PSMC4: variants seen among roughly 807,000 people sequenced by gnomAD.
The protein encoded by PSMC4 is proteasome 26S subunit, ATPase 4, also known as 26S proteasome regulatory subunit 6B.
Under a neutral mutation model 48.4 loss-of-function variants are expected in PSMC4, and 13 were observed. The ratio of observed to expected loss-of-function variants is 0.27; its 90% confidence interval spans 0.18 to 0.43. PSMC4 has a LOEUF of 0.43. Among genes scored for constraint, PSMC4 ranks in the 20% least tolerant of loss-of-function variants. PSMC4 has a pLI of 1.00. For synonymous variants in PSMC4, 202 were observed against 212.3 expected, an observed-to-expected ratio of 0.95 and a Z score of 0.42; for missense variants, 262 against 555.9, an observed-to-expected ratio of 0.47 and a Z score of 5.32.
Position 39,981,680 on chromosome 19 carries a change from C to T in PSMC4, c.*375C>T, listed in dbSNP as rs892347928. 2.0e-5 allele frequency among the ~76,000 whole-genome samples: 3 copies of T among 152,018 alleles called. No individual in the cohort carries two copies. Among genetic ancestry groups the T allele is most frequent in the Admixed American group, 6.6e-5 (1 of 15,248 alleles). On this transcript the variant is annotated 3_prime_UTR_variant, in exon 11 of 11. Transcript: ENST00000157812. ...CCCTGTGCATCTCCCTCATTTCCTA[C>T]AGGTAAAAGACAGTAAAGAAATTCA...
Position 39,974,559 on chromosome 19 carries a change from G to A in PSMC4, c.505G>A (p.Gly169Ser). The stretch of plus-strand genomic sequence containing the variant: ...AGATGTGATGTACGCGGACATCGGA[G>A]GCATGGACATCCAGAAGCAGGAGGT... ...KPDVMYADIG[G>S]MDIQKQEVRE... The change falls in exon 5 of 11, where the codon GGC becomes AGC. Residue 169 changes from glycine to serine, a missense_variant. Transcript: ENST00000157812. This position sits in a 1 kb window ranked among gnomAD's most constrained non-coding sequence, Gnocchi z 5.5. 6.2e-7 allele frequency: 1 copy of A among 1,614,118 alleles called. No individual in the cohort carries two copies. Among genetic ancestry groups the A allele is most frequent in the Non-Finnish European group, 8.5e-7 (1 of 1,180,044 alleles).
At position 39,971,215 on chromosome 19, in the gene PSMC4, G is replaced by A. The variant is rs571861723; in HGVS notation, c.13G>A (p.Gly5Ser). 6.2e-7 allele frequency: 1 copy of A among 1,614,202 alleles called. No homozygotes were observed. The highest frequency in any genetic ancestry group is 8.5e-7 in the Non-Finnish European group (1 of 1,180,022). Residue 5 changes from glycine (G) to serine (S), a missense_variant, in exon 1 of 11, where the codon GGC (glycine) becomes AGC (serine). This residue lies in a region of PSMC4 where 33 missense variants were observed against 35.5 expected (regional missense o/e 0.93). Coordinates refer to ENST00000157812, the MANE Select transcript of PSMC4 (RefSeq NM_006503.4). MEEI[G>S]ILVEKAQDEI... is the part of the protein sequence containing the mutation. Reference sequence around the variant, plus strand: ...CGGCTTGGTCACTATGGAGGAGATAGGCATCTTGGTGGAGAAGGCTCAGGT... The same window carrying A: ...CGGCTTGGTCACTATGGAGGAGATAAGCATCTTGGTGGAGAAGGCTCAGGT...
rs1413224505 is a variant in PSMC4 at position 39,980,532 on chromosome 19, C to G, written c.1087+78C>G. Reference sequence around the variant, plus strand: ...TCTTCAGCTCAACTTCTGCCAGCACCACAGCCCAGACTGTGCAGGTGGGAC... The same window carrying G: ...TCTTCAGCTCAACTTCTGCCAGCACGACAGCCCAGACTGTGCAGGTGGGAC... On this transcript the variant is annotated intron_variant, in intron 9 of 10. Transcript: ENST00000157812. The surrounding 1 kb of genome is among the most constrained non-coding windows in gnomAD (Gnocchi z 4.8). The G allele has an allele frequency of 5.0e-6, 8 of 1,594,222 alleles. No homozygotes were observed. The highest frequency in any genetic ancestry group is 6.0e-6 in the Non-Finnish European group (7 of 1,163,716).
rs746586299 is a variant in PSMC4 at position 39,972,474 on chromosome 19, C to A, written c.241C>A (p.Arg81=). Reference sequence around the variant, plus strand: ...TCTCCATGCCCAGGAGGAGGTGAAGCGAATCCAAAGCATCCCGCTGGTCAT... The same window carrying A: ...TCTCCATGCCCAGGAGGAGGTGAAGAGAATCCAAAGCATCCCGCTGGTCAT... ...EFLHAQEEVK[R]IQSIPLVIGQ... The change falls in exon 3 of 11, where the codon CGA becomes AGA. Residue 81 remains arginine (R), a synonymous_variant. Transcript: ENST00000157812. The A allele has an allele frequency of 6.2e-7, 1 of 1,614,008 alleles. No individual in the cohort carries two copies. The highest frequency in any genetic ancestry group is 8.5e-7 in the Non-Finnish European group (1 of 1,180,038).
At chr19:39,976,655 C>T (rs1296579508) in intron 6 of PSMC4, among the ~76,000 whole-genome samples, 1 of 150,680 alleles carries the variant, frequency 6.6e-6, no homozygotes, top group African/African-American at 2.4e-5. Context: ...ACTACAGGCA[C>T]CCGCCACCAC....
intron 6 of PSMC4, among the ~76,000 whole-genome samples, chr19:39,978,680 C>T (rs1971242761): frequency 1.3e-5 from 2 of 152,112 alleles, no homozygotes; most frequent in Admixed American, 1.3e-4. Flanking sequence ...CTTCATACAA[C>T]ACAAAGCATC....
chr19:39,978,870 T>G (rs1367846264), intron 6 of PSMC4, among the ~76,000 whole-genome samples: 1 of 151,948 alleles, frequency 6.6e-6, no homozygotes, highest in African/African-American at 2.4e-5. Context: ...TTTAAAAAGC[T>G]AGGTGTGGGG....
Position 39,980,371 on chromosome 19 carries a change from T to C in PSMC4, c.1004T>C (p.Leu335Pro). 7 of 1,614,118 alleles carry C rather than the reference T, an allele frequency of 4.3e-6. No homozygotes were observed. The highest frequency in any genetic ancestry group is 5.9e-6 in the Non-Finnish European group (7 of 1,180,024). ...CTGGACCGTAAAATTGAATTTCCAC[T>C]TCCTGACCGCCGCCAGAAGAGATTG... ...GRLDRKIEFP[L>P]PDRRQKRLIF... Residue 335 changes from leucine (L) to proline (P), a missense_variant, in exon 9 of 11, where the codon CTT becomes CCT. Physicochemically the swap from Leu to Pro is moderately conservative, Grantham distance 98 (BLOSUM62 -3). Coordinates refer to ENST00000157812, the MANE Select transcript of PSMC4 (RefSeq NM_006503.4). The surrounding 1 kb of genome is among the most constrained non-coding windows in gnomAD (Gnocchi z 4.8).
Position 39,974,273 on chromosome 19 carries a change from T to C in PSMC4, c.323-21T>C. ...AGTTTCCAGGCTGACACTTCTCGTT[T>C]TCCTCTCTCCCTTCTCGCAGGCTCC... On this transcript the variant is annotated intron_variant, in intron 3 of 10. Coordinates refer to ENST00000157812, the MANE Select transcript of PSMC4 (RefSeq NM_006503.4). The surrounding 1 kb of genome is among the most constrained non-coding windows in gnomAD (Gnocchi z 5.5). The C allele has an allele frequency of 6.2e-7, 1 of 1,612,590 alleles. No homozygotes were observed. The highest frequency in any genetic ancestry group is 8.5e-7 in the Non-Finnish European group (1 of 1,178,916).
chr19:39,974,170 G>A lies in PSMC4; in HGVS notation c.323-124G>A, dbSNP rs1172534862. The A allele has an allele frequency of 5.8e-6, 7 of 1,208,724 alleles. No homozygotes were observed. The East Asian group carries it at 1.8e-4, about 30-fold the overall frequency. The allele number at this position is 1,208,724 out of a possible 1,614,324, so 74.9% of individuals were successfully genotyped here. ...ACGGACAGCAGGAGGGAAGGCTGGA[G>A]GCCGAGAGGGGACCCCTCAGGGTCT... is the stretch of plus-strand genomic sequence containing the variant. On this transcript the variant is annotated intron_variant, in intron 3 of 10. Coordinates refer to ENST00000157812, the MANE Select transcript of PSMC4 (RefSeq NM_006503.4). This position sits in a 1 kb window ranked among gnomAD's most constrained non-coding sequence, Gnocchi z 5.5.
In PSMC4 at chr19:39,972,140, G is replaced by A. The variant is rs376111516; in HGVS notation, c.37-6G>A. 112 of 1,612,416 alleles carry A rather than the reference G, an allele frequency of 6.9e-5. No individual in the cohort carries two copies. The highest frequency in any genetic ancestry group is 2.5e-4 in the East Asian group (11 of 44,852). ...CTTCCAATGTGAGTTATCCCCTTTC[G>A]TCTAGGATGAGATCCCAGCACTGTC... On this transcript the variant is annotated splice_region_variant and splice_polypyrimidine_tract_variant and intron_variant, in intron 1 of 10. Coordinates refer to ENST00000157812, the MANE Select transcript of PSMC4 (RefSeq NM_006503.4).
At chr19:39,973,220 C>G (rs1599726495) in intron 3 of PSMC4, among the ~76,000 whole-genome samples, 1 of 152,144 alleles carries the variant, frequency 6.6e-6, no homozygotes, top group East Asian at 1.9e-4. Flanking sequence ...TCATGACCTT[C>G]CAAATTGATT....
intron 6 of PSMC4, among the ~76,000 whole-genome samples, chr19:39,976,385 G>C (rs1422966767): frequency 2.6e-5 from 3 of 114,412 alleles, no homozygotes; most frequent in African/African-American, 1.1e-4. Context: ...CTGGGTGACA[G>C]AGTGAGACTC....
At position 39,976,512 on chromosome 19, in the gene PSMC4, C is replaced by CTT. The variant is rs561360469; in HGVS notation, c.673+1697_673+1698dup. Among the ~76,000 whole-genome samples, 763 of 131,100 alleles carry CTT rather than the reference C, an allele frequency of 5.8e-3. 19 individuals carry two copies. Among genetic ancestry groups the CTT allele is most frequent in the South Asian group, 0.054 (214 of 3,950 alleles). 86.0% of individuals were successfully genotyped at this position (131,100 alleles called of 152,430 possible). On this transcript the variant is annotated intron_variant, in intron 6 of 10. Coordinates refer to ENST00000157812, the MANE Select transcript of PSMC4 (RefSeq NM_006503.4). ...GGCCCGACACAGATTCGTAAAGTTT[C>CTT]TTTTTTTTTTTTTTGAGATGGAGTC... is the stretch of plus-strand genomic sequence containing the variant.
Position 39,974,741 on chromosome 19 carries a change from A to G in PSMC4, c.586A>G (p.Ile196Val). The change falls in exon 6 of 11, where the codon ATC becomes GTC. Residue 196 changes from isoleucine to valine, a missense_variant. Physicochemically the swap from Ile to Val is conservative, Grantham distance 29. Around this residue, in one of 4 missense-constraint regions of PSMC4, gnomAD observed 131 missense variants for 276.7 expected, o/e 0.47. Transcript: ENST00000157812. The surrounding 1 kb of genome is among the most constrained non-coding windows in gnomAD (Gnocchi z 5.5). ...THFELYKQIGIDPPRGVLMYG... is the reference protein window; with the variant it reads ...THFELYKQIGVDPPRGVLMYG... ...TCCTTCCTCTGGGTTTCAGATCGGC[A>G]TCGATCCCCCCCGAGGCGTCCTCAT... 6.2e-7 allele frequency: 1 copy of G among 1,614,088 alleles called. No individual in the cohort carries two copies. The highest frequency in any genetic ancestry group is 8.5e-7 in the Non-Finnish European group (1 of 1,179,982).
rs897796120 is a variant in PSMC4 at position 39,980,886 on chromosome 19, T to G, written c.1143+169T>G. 2.0e-5 allele frequency among the ~76,000 whole-genome samples: 3 copies of G among 150,488 alleles called. No individual in the cohort carries two copies. Among genetic ancestry groups the G allele is most frequent in the African/African-American group, 7.5e-5 (3 of 40,262 alleles). Reference sequence around the variant, plus strand: ...GGATAGTACAGGGGTAGTGTTTTTGTGTTTTGCTTTGAGACAGGGACTCAC... The same window carrying G: ...GGATAGTACAGGGGTAGTGTTTTTGGGTTTTGCTTTGAGACAGGGACTCAC... On this transcript the variant is annotated intron_variant, in intron 10 of 10. Transcript: ENST00000157812. This position sits in a 1 kb window ranked among gnomAD's most constrained non-coding sequence, Gnocchi z 4.8.
intron 6 of PSMC4, 98 bp from the exon 7 acceptor site, chr19:39,979,719 G>A: frequency 7.9e-7 from 1 of 1,258,676 alleles, no homozygotes; most frequent in South Asian, 2.1e-5. Context: ...GGGTATCCAA[G>A]GAAAAGGATG....
At chr19:39,981,013 A>AC (rs11377145) in intron 10 of PSMC4, among the ~76,000 whole-genome samples, 179 bp from the exon 11 acceptor site, 24,763 of 151,840 alleles carry the variant, frequency 0.16, 4,579 homozygotes, top group African/African-American at 0.45. Context: ...GCCCACCACC[A>AC]GTCTGGCTAA....
chr19:39,972,813 T>C (rs901953053), intron 3 of PSMC4, among the ~76,000 whole-genome samples: 1 of 152,054 alleles, frequency 6.6e-6, no homozygotes, highest in African/African-American at 2.4e-5. Context: ...TGGCATGATC[T>C]CGGCTCACTG....
Sources: allele counts gnomAD v4.1 joint callset (sites outside exome capture counted in the v4.1 genomes callset), GRCh38; gene constraint gnomAD v4.1.1; regional missense constraint gnomAD v4.1.1; non-coding constraint Gnocchi (gnomAD v3.1); transcripts MANE v1.5; gene names NCBI Gene and HGNC (gene_info 2026-07-23, HGNC 2026-07-21).